Variants in AMBN observed in about 807,000 individuals in gnomAD.
AMBN encodes the protein enamel matrix protein.
In AMBN, 54 loss-of-function variants were observed where a neutral mutation model predicts 48.0. That is an observed-to-expected ratio of 1.12 (90% CI 0.90 to 1.41). The LOEUF (loss-of-function observed/expected upper bound fraction) is 1.41. Among genes scored for constraint, AMBN ranks in the 40% most tolerant of loss-of-function variants. AMBN has a pLI of 0.00. For synonymous variants in AMBN, 186 were observed against 190.0 expected (o/e 0.98, Z 0.17); for missense variants, 571 against 547.3 (o/e 1.04, Z -0.43).
At position 70,602,618 on chromosome 4, in the gene AMBN, A is replaced by C. The variant is rs1254690181; in HGVS notation, c.532-6A>C. ...CTGATAATTTTAATATTTATCTGTG[A>C]TATAGCTCCCAGGAGTAGATTTTGC... On this transcript the variant is annotated splice_polypyrimidine_tract_variant and splice_region_variant and intron_variant, in intron 6 of 12. Transcript: ENST00000322937. 1.9e-6 allele frequency: 3 copies of C among 1,559,348 alleles called. No individual in the cohort carries two copies. Among genetic ancestry groups the C allele is most frequent in the Non-Finnish European group, 2.6e-6 (3 of 1,153,678 alleles).
At chr4:70,603,219 T>G in intron 9 of AMBN, 41 bp from the exon 10 acceptor site, 1 of 1,580,422 alleles carries the variant, frequency 6.3e-7, no homozygotes, top group Non-Finnish European at 8.7e-7. Flanking sequence ...TATGGGGATG[T>G]GCCTGTGAGA....
At position 70,606,768 on chromosome 4, in the gene AMBN, C is replaced by T. The variant is rs1336707018; in HGVS notation, c.*38C>T. ...ATTAGCTACTTTCTGTATGCACAAG[C>T]TTCCCAGCTTTGTCCCCACAGTGTA... On this transcript the variant is annotated 3_prime_UTR_variant, in exon 13 of 13. Coordinates refer to ENST00000322937, the MANE Select transcript of AMBN (RefSeq NM_016519.6). The T allele has an allele frequency of 1.3e-6, 2 of 1,567,300 alleles. No homozygotes were observed. The highest frequency in any genetic ancestry group is 3.7e-5 in the Admixed American group (2 of 54,214).
intron 2 of AMBN, among the ~76,000 whole-genome samples, chr4:70,594,100 T>A (rs1325309100): frequency 1.3e-5 from 2 of 152,204 alleles, no homozygotes; most frequent in African/African-American, 2.4e-5. Flanking sequence ...AAAAGAACTA[T>A]CTCTAAATTT....
rs1158612445 is a variant in AMBN at position 70,601,442 on chromosome 4, C to G, written c.319C>G (p.Pro107Ala). 6.2e-7 allele frequency: 1 copy of G among 1,613,996 alleles called. No individual in the cohort carries two copies. Among genetic ancestry groups the G allele is most frequent in the African/African-American group, 1.3e-5 (1 of 74,920 alleles). The change falls in exon 6 of 13, where the codon CCC (proline) becomes GCC (alanine). Residue 107 changes from proline to alanine, a missense_variant. Transcript: ENST00000322937. Reference sequence around the variant, plus strand: ...GTATGAATATTCTTTGCCTGTGCATCCCCCACCTCTCCCATCACAGCCATC... The same window carrying G: ...GTATGAATATTCTTTGCCTGTGCATGCCCCACCTCTCCCATCACAGCCATC... The part of the protein sequence containing the change: ...QQYEYSLPVH[P>A]PPLPSQPSLK...
chr4:70,601,668 C>T lies in AMBN; in HGVS notation c.531+14C>T. 1.9e-6 allele frequency: 3 copies of T among 1,610,350 alleles called. No homozygotes were observed. The highest frequency in any genetic ancestry group is 2.5e-6 in the Non-Finnish European group (3 of 1,177,272). On this transcript the variant is annotated intron_variant, in intron 6 of 12. Coordinates refer to ENST00000322937, the MANE Select transcript of AMBN (RefSeq NM_016519.6). ...CCAAAGCCTGAGGTACTTCCTTTCT[C>T]TTGAAGTCAGATCAGAATCACCAGC... is the stretch of plus-strand genomic sequence containing the variant.
At chr4:70,601,049 G>A (rs1737509158) in intron 5 of AMBN, among the ~76,000 whole-genome samples, 1 of 152,112 alleles carries the variant, frequency 6.6e-6, no homozygotes, top group East Asian at 1.9e-4. Flanking sequence ...TTCTCTCTCC[G>A]TTGACTGGGG....
intron 12 of AMBN, among the ~76,000 whole-genome samples, 180 bp downstream of exon 12, chr4:70,604,101 T>C (rs113010670): frequency 1.5e-3 from 221 of 152,332 alleles, no homozygotes; most frequent in African/African-American, 5.1e-3. Flanking sequence ...ATGTTTCCTA[T>C]GTAATCTTTC....
intron 9 of AMBN, 33 bp from the exon 10 acceptor site, chr4:70,603,227 A>G (rs1368499596): frequency 1.9e-6 from 3 of 1,598,984 alleles, no homozygotes; most frequent in East Asian, 2.2e-5. Flanking sequence ...TGTGCCTGTG[A>G]GAATTACTTA....
In AMBN at chr4:70,598,351, G is replaced by A; in HGVS notation, c.136-5G>A. The A allele has an allele frequency of 6.4e-7, 1 of 1,558,344 alleles. No homozygotes were observed. Among genetic ancestry groups the A allele is most frequent in the South Asian group, 1.2e-5 (1 of 80,414 alleles). ...AAACAGTAACCCACTTTTTTTTCTT[G>A]ATAGACAATGAGACAGTTGGGAAGT... On this transcript the variant is annotated splice_region_variant and splice_polypyrimidine_tract_variant and intron_variant, in intron 3 of 12. Coordinates refer to ENST00000322937, the MANE Select transcript of AMBN (RefSeq NM_016519.6).
Position 70,592,367 on chromosome 4 carries a change from A to G in AMBN, c.9A>G (p.Ala3=), listed in dbSNP as rs754691173. The change falls in exon 1 of 13, where the codon GCA becomes GCG. Residue 3 remains alanine (A), a synonymous_variant. Coordinates refer to ENST00000322937, the MANE Select transcript of AMBN (RefSeq NM_016519.6). ...CCCTGAGAGCACAGTGCATGTCAGC[A>G]TCTAAGGTAAAATGGGATTTTATGA... MS[A]SKIPLFKMKD... is the part of the protein sequence containing the mutation. The G allele has an allele frequency of 6.2e-7, 1 of 1,614,068 alleles. No individual in the cohort carries two copies. Among genetic ancestry groups the G allele is most frequent in the Non-Finnish European group, 8.5e-7 (1 of 1,179,946 alleles).
rs1259789677 is a variant in AMBN, at chr4:70,606,374, G to C, written c.988G>C (p.Glu330Gln). The change falls in exon 13 of 13, where the codon GAG becomes CAG. Residue 330 changes from glutamate to glutamine, a missense_variant. By Grantham distance (29) the Glu-to-Gln change is conservative. Coordinates refer to ENST00000322937, the MANE Select transcript of AMBN (RefSeq NM_016519.6). ...EGGAQGSPMP[E>Q]ANPDNLENPA... ...AGGTGCACAAGGCTCCCCTATGCCG[G>C]AGGCCAACCCAGACAATCTAGAAAA... The C allele has an allele frequency of 3.7e-6, 6 of 1,613,888 alleles. No individual in the cohort carries two copies. The highest frequency in any genetic ancestry group is 5.1e-6 in the Non-Finnish European group (6 of 1,179,990).
At chr4:70,594,035 A>T (rs1463035290) in intron 2 of AMBN, among the ~76,000 whole-genome samples, 1 of 152,188 alleles carries the variant, frequency 6.6e-6, no homozygotes, top group Non-Finnish European at 1.5e-5. Context: ...TATCATTATA[A>T]AGTTGAAATG....
chr4:70,605,943 G>T (rs569816124), intron 12 of AMBN, among the ~76,000 whole-genome samples: 1 of 152,140 alleles, frequency 6.6e-6, no homozygotes. Flanking sequence ...TCTTGCTTCT[G>T]CCCTGTTATC....
rs777368202 is a variant in AMBN, at chr4:70,599,608, C to G, written c.256C>G (p.Leu86Val). 6.2e-7 allele frequency: 1 copy of G among 1,613,596 alleles called. No homozygotes were observed. Among genetic ancestry groups the G allele is most frequent in the Admixed American group, 1.7e-5 (1 of 59,982 alleles). Residue 86 changes from leucine to valine, a missense_variant, in exon 5 of 13, where the codon CTT becomes GTT. Physicochemically the swap from Leu to Val is conservative, Grantham distance 32. Transcript: ENST00000322937. Reference sequence around the variant, plus strand: ...CGGTCTCCTCCCACCACATTCCTCTCTTCCATGGATGAGGCCAAGAGAACA... The same window carrying G: ...CGGTCTCCTCCCACCACATTCCTCTGTTCCATGGATGAGGCCAAGAGAACA... Reference protein sequence around the residue: ...MHGLLPPHSSLPWMRPREHET... With the variant: ...MHGLLPPHSSVPWMRPREHET...
In AMBN at chr4:70,603,466, T is replaced by C; in HGVS notation, c.753+6T>C. 6.2e-7 allele frequency: 1 copy of C among 1,609,512 alleles called. No individual in the cohort carries two copies. The highest frequency in any genetic ancestry group is 8.5e-7 in the Non-Finnish European group (1 of 1,178,456). On this transcript the variant is annotated splice_donor_region_variant and intron_variant, in intron 11 of 12. Transcript: ENST00000322937. ...CTTTTGGAGCAAATCAATTGGTAAG[T>C]CCATATTCTATAAAAAGTATTGTTT...
At chr4:70,593,098 C>T (rs1443361402) in intron 1 of AMBN, among the ~76,000 whole-genome samples, 1 of 152,048 alleles carries the variant, frequency 6.6e-6, no homozygotes, top group Non-Finnish European at 1.5e-5. Context: ...GGCTGTAGAT[C>T]CATTTAAAAC....
chr4:70,599,218 G>A (rs913502352), intron 4 of AMBN, among the ~76,000 whole-genome samples: 8 of 152,032 alleles, frequency 5.3e-5, no homozygotes, highest in African/African-American at 1.2e-4. Flanking sequence ...CAAGGTGGGC[G>A]GATCATGAGG....
chr4:70,600,324 AT>A (rs1737488999), intron 5 of AMBN, among the ~76,000 whole-genome samples: 1 of 151,826 alleles, frequency 6.6e-6, no homozygotes, highest in South Asian at 2.1e-4. Context: ...AAATTAAGAA[AT>A]TTAAAAAAAA....
chr4:70,598,931 C>T (rs998961036), intron 4 of AMBN, among the ~76,000 whole-genome samples: 4 of 150,634 alleles, frequency 2.7e-5, no homozygotes, highest in East Asian at 3.9e-4. Context: ...TCTGCCACCA[C>T]GCCAGGCTAA....
Sources: allele counts gnomAD v4.1 joint callset (sites outside exome capture counted in the v4.1 genomes callset), GRCh38; gene constraint gnomAD v4.1.1; transcripts MANE v1.5; gene names NCBI Gene and HGNC (gene_info 2026-07-23, HGNC 2026-07-21).